The following PCDHGB5 variants were observed in gnomAD, a reference collection of about 807,000 sequenced individuals.
The protein encoded by PCDHGB5 is protocadherin gamma-B5.
A neutral mutation model predicts 62.9 loss-of-function variants in PCDHGB5; 48 were observed. That is an observed-to-expected ratio of 0.76 (90% confidence interval 0.61 to 0.97). The LOEUF is 0.97. Among genes scored for constraint, PCDHGB5 ranks in the 50% least tolerant of loss-of-function variants. PCDHGB5 has a pLI of 0.00. For synonymous variants in PCDHGB5, 474 were observed against 511.2 expected (o/e 0.93, Z 0.98); for missense variants, 1,118 against 1,198.6 (o/e 0.93, Z 0.99).
chr5:141,476,196 A>G lies in PCDHGB5; in HGVS notation c.2398-18611A>G, dbSNP rs2099386612. The G allele has an allele frequency of 6.2e-7, 1 of 1,613,852 alleles. No individual in the cohort carries two copies. Among genetic ancestry groups the G allele is most frequent in the South Asian group, 1.1e-5 (1 of 91,074 alleles). ...GTTTTGCTTCTGCTTGGTGCCTTGA[A>G]CAAGGCTTCCACGGTCATTCACTAT... On this transcript the variant is annotated intron_variant, in intron 1 of 3. Coordinates refer to ENST00000617380, the MANE Select transcript of PCDHGB5 (RefSeq NM_018925.3). This position sits in a 1 kb window ranked among gnomAD's most constrained non-coding sequence, Gnocchi z 7.6.
chr5:141,478,445 G>C (rs773567457), intron 1 of PCDHGB5: 1 of 1,613,570 alleles, frequency 6.2e-7, no homozygotes, highest in Non-Finnish European at 8.5e-7. Flanking sequence ...GAAGAAACCT[G>C]GTGCAGCCAG....
At position 141,511,271 on chromosome 5, in the gene PCDHGB5, C is replaced by T. The variant is rs371445452; in HGVS notation, c.*98C>T. ...GCCTCAGAGTTTCAGGGCTAACCCC[C>T]AGAATACTGGTAGGGGCCAAGGCCA... On this transcript the variant is annotated 3_prime_UTR_variant, in exon 4 of 4. Transcript: ENST00000617380. 9.1e-6 allele frequency: 14 copies of T among 1,544,094 alleles called. No individual in the cohort carries two copies. In the African/African-American group the frequency reaches 1.6e-4, roughly 18 times the overall value.
rs770930842 is a variant in PCDHGB5 at position 141,432,673 on chromosome 5, C to G, written c.2397+32149C>G. 10 of 1,613,804 alleles carry G rather than the reference C, an allele frequency of 6.2e-6. No homozygotes were observed. The East Asian group carries it at 1.3e-4, about 22-fold the overall frequency. ...GAGCCCTGCTGGACAGAGACGCGCT[C>G]AAGCAGAGCCTCGTAGTGGCCGTCC... is the stretch of plus-strand genomic sequence containing the variant. On this transcript the variant is annotated intron_variant, in intron 1 of 3. Transcript: ENST00000617380. The surrounding 1 kb of genome is among the most constrained non-coding windows in gnomAD (Gnocchi z 6.0).
At position 141,399,619 on chromosome 5, in the gene PCDHGB5, G is replaced by C. The variant is rs749025661; in HGVS notation, c.1492G>C (p.Ala498Pro). Residue 498 changes from alanine to proline, a missense_variant, in exon 1 of 4, where the codon GCC becomes CCC. Ala to Pro is a conservative substitution (Grantham distance 27). This residue lies in a region of PCDHGB5 where 1,034 missense variants were observed against 1,029.1 expected (regional missense o/e 1.00). Transcript: ENST00000617380. ...CAGCGACCTAGAGCCTCTGGCACTG[G>C]CCTCTTACGTGTCCATGAGCGCGCA... ...MASDLEPLAL[A>P]SYVSMSAQSG... is the part of the protein sequence containing the mutation. The C allele has an allele frequency of 6.2e-7, 1 of 1,613,902 alleles. No individual in the cohort carries two copies. The highest frequency in any genetic ancestry group is 8.5e-7 in the Non-Finnish European group (1 of 1,179,886).
intron 1 of PCDHGB5, chr5:141,417,644 A>G (rs2096142506): frequency 3.9e-6 from 3 of 779,086 alleles, no homozygotes; most frequent in Non-Finnish European, 5.8e-6. Context: ...GGGATCCCTC[A>G]GCCTCTAGCC....
chr5:141,423,517 T>A (rs750915364), intron 1 of PCDHGB5: 1 of 1,613,834 alleles, frequency 6.2e-7, no homozygotes, highest in Admixed American at 1.7e-5. Context: ...CATTGCGGAC[T>A]CGCAGAAGAG....
intron 1 of PCDHGB5, chr5:141,419,843 C>T: frequency 6.2e-7 from 1 of 1,614,070 alleles, no homozygotes; most frequent in Non-Finnish European, 8.5e-7. Flanking sequence ...CACGCTGCAC[C>T]TGGTGTTCGC....
At chr5:141,443,050 T>C (rs1290373918) in intron 1 of PCDHGB5, among the ~76,000 whole-genome samples, 1 of 152,236 alleles carries the variant, frequency 6.6e-6, no homozygotes, top group Non-Finnish European at 1.5e-5. Flanking sequence ...AAAATTATTG[T>C]TCCACTGAAG....
At chr5:141,481,282 T>C (rs2099534931) in intron 1 of PCDHGB5, among the ~76,000 whole-genome samples, 1 of 152,148 alleles carries the variant, frequency 6.6e-6, no homozygotes, top group African/African-American at 2.4e-5. Flanking sequence ...CATAAAATGG[T>C]ATTTCAGTCA....
chr5:141,481,503 G>A (rs1006282101), intron 1 of PCDHGB5, among the ~76,000 whole-genome samples: 3 of 152,236 alleles, frequency 2.0e-5, no homozygotes, highest in African/African-American at 7.2e-5. Context: ...TGCATGGTAT[G>A]TGAATTATGT....
rs768985461 is a variant in PCDHGB5, at chr5:141,403,714, C to T, written c.2397+3190C>T. ...TTTACCGAGTTAAAGTCCTTGAGAA[C>T]GTGCCCCCAGGCACCTGGCTGCTTA... On this transcript the variant is annotated intron_variant, in intron 1 of 3. Transcript: ENST00000617380. 10 of 1,613,792 alleles carry T rather than the reference C, an allele frequency of 6.2e-6. No homozygotes were observed. In the South Asian group the frequency reaches 6.6e-5, roughly 11 times the overall value.
intron 1 of PCDHGB5, among the ~76,000 whole-genome samples, chr5:141,402,461 C>T (rs892900332): frequency 6.6e-6 from 1 of 151,994 alleles, no homozygotes; most frequent in Non-Finnish European, 1.5e-5. Context: ...GTTTACATAT[C>T]TAGAAATAGA....
At position 141,487,033 on chromosome 5, in the gene PCDHGB5, A is replaced by C. The variant is rs1465525110; in HGVS notation, c.2398-7774A>C. ...AGGCCCCAGATCCCAGCCTGTTTGC[A>C]GTCTCTCGATATGCTGGGGAGGTGC... On this transcript the variant is annotated intron_variant, in intron 1 of 3. Transcript: ENST00000617380. This position sits in a 1 kb window ranked among gnomAD's most constrained non-coding sequence, Gnocchi z 5.0. 3 of 1,614,160 alleles carry C rather than the reference A, an allele frequency of 1.9e-6. No individual in the cohort carries two copies. Among genetic ancestry groups the C allele is most frequent in the Non-Finnish European group, 2.5e-6 (3 of 1,180,032 alleles).
intron 1 of PCDHGB5, chr5:141,405,312 A>G: frequency 1.2e-6 from 2 of 1,614,208 alleles, no homozygotes; most frequent in Non-Finnish European, 8.5e-7. Context: ...AGCTGTGAGA[A>G]AAATGAGCCT....
In PCDHGB5 at chr5:141,398,799, C is replaced by A; in HGVS notation, c.672C>A (p.Gly224=). 1 of 1,613,966 alleles carries A rather than the reference C, an allele frequency of 6.2e-7. No individual in the cohort carries two copies. Among genetic ancestry groups the A allele is most frequent in the South Asian group, 1.1e-5 (1 of 91,082 alleles). The part of the protein sequence containing the change: ...ALDGGHPPLS[G]TTELRIQVTD... ...ACGGTGGACATCCACCCCTAAGCGG[C>A]ACCACTGAGCTCCGGATCCAGGTAA... The change falls in exon 1 of 4, where the codon GGC becomes GGA. Residue 224 remains glycine (G), a synonymous_variant. Coordinates refer to ENST00000617380, the MANE Select transcript of PCDHGB5 (RefSeq NM_018925.3).
intron 1 of PCDHGB5, among the ~76,000 whole-genome samples, chr5:141,454,607 T>C (rs1207742002): frequency 6.6e-6 from 1 of 151,574 alleles, no homozygotes; most frequent in Non-Finnish European, 1.5e-5. Flanking sequence ...GGTTTCTCCA[T>C]GTTGGTCAGG....
chr5:141,439,065 C>T (rs571768018), intron 1 of PCDHGB5, among the ~76,000 whole-genome samples: 13 of 151,628 alleles, frequency 8.6e-5, no homozygotes, highest in East Asian at 7.9e-4. Flanking sequence ...GTGTGGCAGG[C>T]GCCTGTAATC....
At position 141,413,874 on chromosome 5, in the gene PCDHGB5, T is replaced by G. The variant is rs1371905896; in HGVS notation, c.2397+13350T>G. ...TCCGATCTGGCACTGTCCTTGTCAG[T>G]GTGACTGTCTTCGATGCAAATGACA... is the stretch of plus-strand genomic sequence containing the variant. On this transcript the variant is annotated intron_variant, in intron 1 of 3. Coordinates refer to ENST00000617380, the MANE Select transcript of PCDHGB5 (RefSeq NM_018925.3). 6 of 1,613,306 alleles carry G rather than the reference T, an allele frequency of 3.7e-6. No homozygotes were observed. In the African/African-American group the frequency reaches 8.0e-5, roughly 22 times the overall value.
At chr5:141,413,626 G>T (rs757785567) in intron 1 of PCDHGB5, 24 of 1,613,680 alleles carry the variant, frequency 1.5e-5, no homozygotes, top group Non-Finnish European at 1.7e-5. Context: ...TGAAAATGTC[G>T]CTGCGGGAAT....
Sources: gnomAD v4.1 joint callset for allele counts (sites outside exome capture counted in the v4.1 genomes callset) on GRCh38, gnomAD v4.1.1 for gene constraint, gnomAD v4.1.1 regional missense constraint, Gnocchi (gnomAD v3.1) non-coding constraint, MANE v1.5 for transcripts, NCBI Gene and HGNC (gene_info 2026-07-23, HGNC 2026-07-21) for gene names.